Variants in PNKD observed in about 807,000 individuals in gnomAD.
PNKD encodes PNKD metallo-beta-lactamase domain containing, also known as probable thioesterase PNKD.
Under a neutral mutation model 45.3 loss-of-function variants are expected in PNKD, and 36 were observed. That is an observed-to-expected ratio of 0.80 (90% CI 0.61 to 1.05). The LOEUF (loss-of-function observed/expected upper bound fraction) is 1.05, where lower values mean the gene tolerates loss of function less well. Among genes scored for constraint, PNKD ranks in the 50% least tolerant of loss-of-function variants. PNKD has a pLI of 0.00. For synonymous variants in PNKD, 197 were observed against 210.1 expected, an observed-to-expected ratio of 0.94 and a Z score of 0.54; for missense variants, 511 against 506.6, an observed-to-expected ratio of 1.01 and a Z score of -0.08.
rs779518751 is a variant in PNKD at position 218,297,706 on chromosome 2, A to AAAAAAC, written c.236+26158_236+26159insAAAACA. On this transcript the variant is annotated intron_variant, in intron 2 of 9. Coordinates refer to ENST00000273077, the MANE Select transcript of PNKD (RefSeq NM_015488.5). Reference sequence around the variant, plus strand: ...TCTCAAAAAAAAAAAAAAAAAAAAAAAGAGAGAAGAAAAGAAATCACAGTG... The same window carrying AAAAAAC: ...TCTCAAAAAAAAAAAAAAAAAAAAAAAAAAACAGAGAGAAGAAAAGAAATCACAGTG... Among the ~76,000 whole-genome samples the AAAAAAC allele has an allele frequency of 7.7e-5, 9 of 117,198 alleles. 1 individual carries two copies. The highest frequency in any genetic ancestry group is 2.6e-4 in the South Asian group (1 of 3,862). 76.9% of individuals were successfully genotyped at this position (117,198 alleles called of 152,430 possible).
intron 2 of PNKD, chr2:218,272,509 C>G (rs1690884014): frequency 2.0e-6 from 3 of 1,529,334 alleles, no homozygotes; most frequent in Non-Finnish European, 1.8e-6. Context: ...TGACTCCCCC[C>G]AGCTCCTCTG....
At chr2:218,321,921 G>A (rs1693996427) in intron 2 of PNKD, among the ~76,000 whole-genome samples, 1 of 139,038 alleles carries the variant, frequency 7.2e-6, no homozygotes, top group Non-Finnish European at 1.5e-5. Flanking sequence ...ACCGCTCCCG[G>A]CCGAGCTTGA....
At chr2:218,333,308 C>T (rs1015428800) in intron 2 of PNKD, among the ~76,000 whole-genome samples, 2 of 152,196 alleles carry the variant, frequency 1.3e-5, no homozygotes, top group African/African-American at 4.8e-5. Context: ...ACTGCGGCTT[C>T]TTGGTGCAGA....
intron 2 of PNKD, chr2:218,286,235 T>G (rs926676191): frequency 6.6e-6 from 1 of 151,962 alleles, no homozygotes; most frequent in Non-Finnish European, 1.5e-5. Flanking sequence ...AAACGGGGTT[T>G]CACCATGTTG....
chr2:218,278,293 G>C (rs1691459636), intron 2 of PNKD: 9 of 613,654 alleles, frequency 1.5e-5, no homozygotes, highest in South Asian at 1.4e-4. Context: ...TGGCTAAAAT[G>C]CTACCTGTCT....
At chr2:218,316,419 G>A (rs898424023) in intron 2 of PNKD, among the ~76,000 whole-genome samples, 4 of 151,956 alleles carry the variant, frequency 2.6e-5, no homozygotes, top group Non-Finnish European at 4.4e-5. Context: ...ACAGGCACCC[G>A]CCACCATATC....
intron 2 of PNKD, among the ~76,000 whole-genome samples, chr2:218,311,600 C>T (rs1002029301): frequency 6.6e-6 from 1 of 152,190 alleles, no homozygotes; most frequent in Non-Finnish European, 1.5e-5. Flanking sequence ...CTCAGTGTAG[C>T]AAAGAGCGAC....
At chr2:218,275,767 T>C in intron 2 of PNKD, 12 of 1,070,320 alleles carry the variant, frequency 1.1e-5, no homozygotes, top group East Asian at 5.0e-5. Flanking sequence ...GGCTCTATAC[T>C]GTAGCTGCTC....
At chr2:218,298,925 A>C (rs1490594267) in intron 2 of PNKD, among the ~76,000 whole-genome samples, 1 of 151,954 alleles carries the variant, frequency 6.6e-6, no homozygotes, top group Non-Finnish European at 1.5e-5. Context: ...TCTTATTCCC[A>C]ACCCACGATA....
chr2:218,273,237 G>C (rs963816083), intron 2 of PNKD, among the ~76,000 whole-genome samples: 1 of 151,902 alleles, frequency 6.6e-6, no homozygotes, highest in East Asian at 1.9e-4. Flanking sequence ...CAAATGACTC[G>C]ACTCTGGGCC....
chr2:218,277,308 C>A, intron 2 of PNKD: 1 of 1,514,420 alleles, frequency 6.6e-7, no homozygotes, highest in South Asian at 1.1e-5. Context: ...GTGCCGGGGT[C>A]CGGGCCTGAT....
Position 218,295,844 on chromosome 2 carries a change from C to CT in PNKD, c.236+24312dup, listed in dbSNP as rs150599792. On this transcript the variant is annotated intron_variant, in intron 2 of 9. Transcript: ENST00000273077. ...TTTGAGCTTCAGATAAACAACAAAC[C>CT]TTTTTTTTTTTTTTTTTCAAGACAA... Among the ~76,000 whole-genome samples the CT allele has an allele frequency of 8.5e-3, 1,100 of 128,988 alleles. 11 individuals carry two copies. Among genetic ancestry groups the CT allele is most frequent in the African/African-American group, 0.021 (741 of 35,566 alleles). The allele number at this position is 128,988 out of a possible 152,430, so 84.6% of individuals were successfully genotyped here. A position where few individuals can be genotyped will look rare whatever the true frequency, so the allele number is the denominator to read the frequency against.
chr2:218,323,178 C>T lies in PNKD; in HGVS notation c.237-16605C>T, dbSNP rs1870125. On this transcript the variant is annotated intron_variant, in intron 2 of 9. Coordinates refer to ENST00000273077, the MANE Select transcript of PNKD (RefSeq NM_015488.5). ...GGCCACAACGCCCCCACGTCCAGAG[C>T]CGGCAGGCAGGTTCCCCGCGGGGGG... The T allele has an allele frequency of 0.57, 785,450 of 1,370,036 alleles. 232,856 individuals are homozygous for T. The highest frequency in any genetic ancestry group is 0.65 in the East Asian group (20,324 of 31,354). 84.9% of individuals were successfully genotyped at this position (1,370,036 alleles called of 1,614,324 possible).
intron 2 of PNKD, among the ~76,000 whole-genome samples, chr2:218,314,176 G>A (rs1574689485): frequency 6.9e-6 from 1 of 145,240 alleles, no homozygotes; most frequent in East Asian, 2.0e-4. Context: ...GCCTGCCTCT[G>A]CCTCCCAAAT....
intron 2 of PNKD, chr2:218,281,828 G>A: frequency 2.2e-6 from 2 of 904,986 alleles, no homozygotes; most frequent in East Asian, 2.7e-5. Flanking sequence ...CAGAGAAGAT[G>A]AGAAAGGGAT....
At chr2:218,344,633 TC>T in intron 9 of PNKD, 63 bp downstream of exon 9, 1 of 1,476,798 alleles carries the variant, frequency 6.8e-7, no homozygotes, top group Non-Finnish European at 9.5e-7. Flanking sequence ...CGGGAACCCA[TC>T]CATGCTGACC....
In PNKD at chr2:218,331,654, G is replaced by A. The variant is rs184830527; in HGVS notation, c.237-8129G>A. On this transcript the variant is annotated intron_variant, in intron 2 of 9. Coordinates refer to ENST00000273077, the MANE Select transcript of PNKD (RefSeq NM_015488.5). ...GGCTAATTTTTGTATTTTTAGTAGA[G>A]ACGGGGTTTCACCATATTGGTCAGA... Among the ~76,000 whole-genome samples, 56 of 152,178 alleles carry A rather than the reference G, an allele frequency of 3.7e-4. No homozygotes were observed. In the South Asian group the frequency reaches 0.012, roughly 32 times the overall value.
chr2:218,276,928 C>A lies in PNKD; in HGVS notation c.236+5379C>A, dbSNP rs369768432. On this transcript the variant is annotated intron_variant, in intron 2 of 9. Coordinates refer to ENST00000273077, the MANE Select transcript of PNKD (RefSeq NM_015488.5). ...GAGCCTGCCCCGGGGACCTTTGGGG[C>A]CTGCGAGACCATGCTATATAGGAAG... 9.5e-6 allele frequency: 12 copies of A among 1,265,580 alleles called. No homozygotes were observed. In the African/African-American group the frequency reaches 1.3e-4, roughly 14 times the overall value. The allele number at this position is 1,265,580 out of a possible 1,614,324, so 78.4% of individuals were successfully genotyped here. A position where few individuals can be genotyped will look rare whatever the true frequency, so the allele number is the denominator to read the frequency against.
chr2:218,319,904 A>G (rs926144860), intron 2 of PNKD, among the ~76,000 whole-genome samples: 3 of 152,276 alleles, frequency 2.0e-5, no homozygotes, highest in Non-Finnish European at 4.4e-5. Flanking sequence ...GTTTGAGCTG[A>G]CACCCAACAG....
Sources: gnomAD v4.1 joint callset for allele counts (sites outside exome capture counted in the v4.1 genomes callset) on GRCh38, gnomAD v4.1.1 for gene constraint, MANE v1.5 for transcripts, NCBI Gene and HGNC (gene_info 2026-07-23, HGNC 2026-07-21) for gene names.